SAXO2: variants seen among roughly 807,000 people sequenced by gnomAD.
The protein encoded by SAXO2 is stabilizer of axonemal microtubules 2, also known as family with sequence similarity 154, member B.
A neutral mutation model predicts 18.7 loss-of-function variants in SAXO2; 17 were observed. The observed-to-expected ratio is 0.91, with a 90% CI of 0.62 to 1.36. SAXO2 has a LOEUF of 1.36. Among genes scored for constraint, SAXO2 ranks in the 40% most tolerant of loss-of-function variants. SAXO2 has a pLI of 0.00. For missense variants in SAXO2, 486 were observed against 562.6 expected (o/e 0.86, Z 1.38); for synonymous variants, 163 against 181.2 (o/e 0.90, Z 0.81).
intron 3 of SAXO2, among the ~76,000 whole-genome samples, chr15:82,279,056 CA>C (rs2075339915): frequency 6.6e-6 from 1 of 151,896 alleles, no homozygotes; most frequent in Admixed American, 6.6e-5. Context: ...AGGATAACAG[CA>C]GCAATCAATA....
At position 82,271,674 on chromosome 15, in the gene SAXO2, G is replaced by A; in HGVS notation, c.305G>A (p.Gly102Glu). 6.2e-7 allele frequency: 1 copy of A among 1,613,962 alleles called. No individual in the cohort carries two copies. Among genetic ancestry groups the A allele is most frequent in the Non-Finnish European group, 8.5e-7 (1 of 1,179,874 alleles). Residue 102 changes from glycine (G) to glutamate (E), a missense_variant, in exon 3 of 4, where the codon GGG becomes GAG. Gly to Glu is a moderately conservative substitution (Grantham distance 98). Transcript: ENST00000682753. ...CCAGAAGAATATAAACCAAAACAAGGGAAGATTGATCTTGGTACTACCTAC... is the reference window on the plus strand; with the variant it reads ...CCAGAAGAATATAAACCAAAACAAGAGAAGATTGATCTTGGTACTACCTAC... ...HVPEEYKPKQ[G>E]KIDLGTTYKR...
chr15:82,277,353 AGAT>A (rs991387226), intron 3 of SAXO2, among the ~76,000 whole-genome samples: 2 of 152,202 alleles, frequency 1.3e-5, no homozygotes, highest in African/African-American at 4.8e-5. Flanking sequence ...CACATTAAAA[AGAT>A]ATTATTTTAA....
At chr15:82,269,932 T>C (rs2075255147) in intron 2 of SAXO2, among the ~76,000 whole-genome samples, 2 of 152,156 alleles carry the variant, frequency 1.3e-5, no homozygotes, top group South Asian at 4.1e-4. Flanking sequence ...TTTCTGACTA[T>C]GCGTCTGAAA....
chr15:82,262,848 G>A lies in SAXO2; in HGVS notation c.-32G>A. 1 of 1,564,630 alleles carries A rather than the reference G, an allele frequency of 6.4e-7. No homozygotes were observed. Among genetic ancestry groups the A allele is most frequent in the East Asian group, 2.4e-5 (1 of 41,378 alleles). On this transcript the variant is annotated 5_prime_UTR_variant, in exon 1 of 4. Coordinates refer to ENST00000682753, the MANE Select transcript of SAXO2 (RefSeq NM_001348699.2). The stretch of plus-strand genomic sequence containing the variant: ...CGGCGGGCGCTGTGGGAGTGGAGAA[G>A]CTGCAAGTGCTGAGGCGCGGTGGAG...
At chr15:82,280,437 G>A (rs1334240897) in intron 3 of SAXO2, among the ~76,000 whole-genome samples, 1 of 151,714 alleles carries the variant, frequency 6.6e-6, no homozygotes, top group Non-Finnish European at 1.5e-5. Context: ...GTGAAAAATA[G>A]TGTTATACTT....
chr15:82,282,569 T>C lies in SAXO2; in HGVS notation c.884T>C (p.Val295Ala), dbSNP rs756144037. The C allele has an allele frequency of 1.2e-6, 2 of 1,614,068 alleles. No individual in the cohort carries two copies. Among genetic ancestry groups the C allele is most frequent in the African/African-American group, 2.7e-5 (2 of 74,922 alleles). Residue 295 changes from valine to alanine, a missense_variant, in exon 4 of 4, where the codon GTA (valine) becomes GCA (alanine). Physicochemically the swap from Val to Ala is moderately conservative, Grantham distance 64. Transcript: ENST00000682753. ...ATCCCACCACCTGAGGTCAAGAAAG[T>C]ACCAGAGTATGTGCCTCCTACAGGT... is the stretch of plus-strand genomic sequence containing the variant. ...WEIPPPEVKK[V>A]PEYVPPTGSM... is the part of the protein sequence containing the mutation.
At chr15:82,263,454 C>T in intron 1 of SAXO2, 1 of 702,692 alleles carries the variant, frequency 1.4e-6, no homozygotes, top group Admixed American at 2.0e-5. Flanking sequence ...TAGTCCCTAC[C>T]CTGAAATCTA....
At chr15:82,270,617 T>C (rs1254599842) in intron 2 of SAXO2, among the ~76,000 whole-genome samples, 7 of 152,282 alleles carry the variant, frequency 4.6e-5, no homozygotes, top group East Asian at 1.9e-4. Flanking sequence ...TATTGGTTAA[T>C]ACAAGATAGT....
chr15:82,282,104 G>A lies in SAXO2; in HGVS notation c.434-15G>A. 6.4e-7 allele frequency: 1 copy of A among 1,558,566 alleles called. No individual in the cohort carries two copies. The highest frequency in any genetic ancestry group is 1.2e-5 in the South Asian group (1 of 82,766). On this transcript the variant is annotated splice_polypyrimidine_tract_variant and intron_variant, in intron 3 of 3. Transcript: ENST00000682753. ...CAGCATTTAAAAATGTTTTTGCTTTGTTTTAATTTTCAAGACGATTATAGA... is the reference window on the plus strand; with the variant it reads ...CAGCATTTAAAAATGTTTTTGCTTTATTTTAATTTTCAAGACGATTATAGA...
At position 82,282,637 on chromosome 15, in the gene SAXO2, T is replaced by C. The variant is rs1275482851; in HGVS notation, c.952T>C (p.Tyr318His). The C allele has an allele frequency of 1.2e-6, 2 of 1,614,192 alleles. No individual in the cohort carries two copies. Among genetic ancestry groups the C allele is most frequent in the Non-Finnish European group, 1.7e-6 (2 of 1,180,038 alleles). The change falls in exon 4 of 4, where the codon TAT becomes CAT. Residue 318 changes from tyrosine (Y) to histidine (H), a missense_variant. Physicochemically the swap from Tyr to His is moderately conservative, Grantham distance 83. Transcript: ENST00000682753. ...NSTSHLDYVP[Y>H]QANHVVPIRP... The stretch of plus-strand genomic sequence containing the variant: ...CACAAGCCATCTTGACTATGTTCCA[T>C]ATCAGGCCAACCATGTTGTTCCCAT...
intron 3 of SAXO2, among the ~76,000 whole-genome samples, chr15:82,273,681 G>A (rs1375375374): frequency 6.6e-6 from 1 of 152,020 alleles, no homozygotes; most frequent in African/African-American, 2.4e-5. Flanking sequence ...ATGCGTAGGA[G>A]AAAATGTACT....
chr15:82,282,571 C>A lies in SAXO2; in HGVS notation c.886C>A (p.Pro296Thr). 1 of 1,614,146 alleles carries A rather than the reference C, an allele frequency of 6.2e-7. No individual in the cohort carries two copies. Among genetic ancestry groups the A allele is most frequent in the Non-Finnish European group, 8.5e-7 (1 of 1,180,012 alleles). The change falls in exon 4 of 4, where the codon CCA becomes ACA. Residue 296 changes from proline to threonine, a missense_variant. Coordinates refer to ENST00000682753, the MANE Select transcript of SAXO2 (RefSeq NM_001348699.2). ...EIPPPEVKKV[P>T]EYVPPTGSML... ...CCCACCACCTGAGGTCAAGAAAGTACCAGAGTATGTGCCTCCTACAGGTAG... is the reference window on the plus strand; with the variant it reads ...CCCACCACCTGAGGTCAAGAAAGTAACAGAGTATGTGCCTCCTACAGGTAG...
In SAXO2 at chr15:82,283,952, G is replaced by A. The variant is rs955600658; in HGVS notation, c.*890G>A. 21 of 152,246 alleles carry A rather than the reference G, an allele frequency of 1.4e-4. No individual in the cohort carries two copies. The highest frequency in any genetic ancestry group is 4.8e-4 in the African/African-American group (20 of 41,442). 9.4% of individuals were successfully genotyped at this position (152,246 alleles called of 1,614,324 possible). A position where few individuals can be genotyped will look rare whatever the true frequency, so the allele number is the denominator to read the frequency against. ...CCCAAAGCACTGGGATTACAGGCAT[G>A]AGCCACTATACCCAACCTGAGTTTA... On this transcript the variant is annotated 3_prime_UTR_variant, in exon 4 of 4. Transcript: ENST00000682753.
chr15:82,282,894 T>G lies in SAXO2; in HGVS notation c.1209T>G (p.Ser403Arg). 1 of 1,613,920 alleles carries G rather than the reference T, an allele frequency of 6.2e-7. No individual in the cohort carries two copies. Among genetic ancestry groups the G allele is most frequent in the Non-Finnish European group, 8.5e-7 (1 of 1,179,980 alleles). ...AACCTTTAAATATTGCTTTTAAGAG[T>G]TCTGTTCCATTTGATGATGTAACCA... ...SCKPLNIAFK[S>R]SVPFDDVTMY... The change falls in exon 4 of 4, where the codon AGT becomes AGG. Residue 403 changes from serine to arginine, a missense_variant. Coordinates refer to ENST00000682753, the MANE Select transcript of SAXO2 (RefSeq NM_001348699.2).
chr15:82,272,009 A>G, intron 3 of SAXO2: 4 of 476,226 alleles, frequency 8.4e-6, no homozygotes, highest in Admixed American at 7.7e-5. Flanking sequence ...AAGACCCACA[A>G]TCCCATCCAA....
chr15:82,282,068 G>T, intron 3 of SAXO2, 51 bp from the exon 4 acceptor site: 1 of 1,430,762 alleles, frequency 7.0e-7, no homozygotes. Context: ...TTAGAAGATG[G>T]TTGTTTTCTT....
At chr15:82,262,982 G>C in intron 1 of SAXO2, 50 bp downstream of exon 1, 1 of 1,570,292 alleles carries the variant, frequency 6.4e-7, no homozygotes, top group South Asian at 1.2e-5. Flanking sequence ...AGCCGACCTA[G>C]GGCCTAGGTG....
At chr15:82,271,191 G>A (rs1318683270) in intron 2 of SAXO2, among the ~76,000 whole-genome samples, 1 of 152,208 alleles carries the variant, frequency 6.6e-6, no homozygotes, top group South Asian at 2.1e-4. Flanking sequence ...GCTGGAGACT[G>A]TAAGTAAGAT....
At chr15:82,264,612 T>A in intron 1 of SAXO2, 1 of 701,980 alleles carries the variant, frequency 1.4e-6, no homozygotes. Flanking sequence ...TATATATAGT[T>A]CACTTGGAAG....
Sources: gnomAD v4.1 joint callset for allele counts (sites outside exome capture counted in the v4.1 genomes callset) on GRCh38, gnomAD v4.1.1 for gene constraint, MANE v1.5 for transcripts, NCBI Gene and HGNC (gene_info 2026-07-23, HGNC 2026-07-21) for gene names.